Variants in SBF1 observed in about 807,000 individuals in gnomAD.
SBF1 encodes the protein myotubularin-related protein 5.
A neutral mutation model predicts 215.8 loss-of-function variants in SBF1; 65 were observed. That is an observed-to-expected ratio of 0.30 (90% CI 0.25 to 0.37). The LOEUF is 0.37. SBF1 is among the 10% of genes least tolerant of loss of function. The probability of loss-of-function intolerance (pLI) is 1.00; values close to 1 mark genes in which losing one functional copy is unlikely to be tolerated. For missense variants in SBF1, 2,634 were observed against 2,667.8 expected, an observed-to-expected ratio of 0.99 and a Z score of 0.28; for synonymous variants, 1,410 against 1,122.8, an observed-to-expected ratio of 1.26 and a Z score of -5.11.
intron 1 of SBF1, among the ~76,000 whole-genome samples, chr22:50,473,014 G>A (rs530166298): frequency 1.1e-4 from 17 of 152,248 alleles, no homozygotes; most frequent in Admixed American, 8.5e-4. Flanking sequence ...CCTGTCCTGC[G>A]CAAAGGACAC....
At chr22:50,454,977 C>T in intron 34 of SBF1, 33 bp from the exon 35 acceptor site, 1 of 1,614,012 alleles carries the variant, frequency 6.2e-7, no homozygotes, top group Non-Finnish European at 8.5e-7. Flanking sequence ...CTGGGCCCCT[C>T]CTGACCCGTG....
Position 50,456,275 on chromosome 22 carries a change from C to A in SBF1, c.4207G>T (p.Ala1403Ser), listed in dbSNP as rs539236939. The A allele has an allele frequency of 7.4e-6, 12 of 1,612,760 alleles. No individual in the cohort carries two copies. In the Admixed American group the frequency reaches 2.0e-4, roughly 27 times the overall value. Residue 1403 changes from alanine to serine, a missense_variant, in exon 31 of 41, where the codon GCT becomes TCT. Coordinates refer to ENST00000380817, the MANE Select transcript of SBF1 (RefSeq NM_002972.4). ...LKACVPGCPA[A>S]EPSPASFLRS... is the part of the protein sequence containing the mutation. Reference sequence around the variant, plus strand: ...AGGAAGGAGGCTGGGCTGGGCTCAGCAGCGGGGCAGCCTGGGACACATGCT... The same window carrying A: ...AGGAAGGAGGCTGGGCTGGGCTCAGAAGCGGGGCAGCCTGGGACACATGCT...
chr22:50,452,697 G>C (rs2067091527), intron 36 of SBF1, among the ~76,000 whole-genome samples: 1 of 130,192 alleles, frequency 7.7e-6, no homozygotes, highest in Non-Finnish European at 1.5e-5. Context: ...TCTCCAGCCT[G>C]GGTGACTGAG....
chr22:50,471,487 C>T (rs972185539), intron 1 of SBF1, among the ~76,000 whole-genome samples: 3 of 152,222 alleles, frequency 2.0e-5, no homozygotes, highest in Non-Finnish European at 4.4e-5. Flanking sequence ...GTTTCCCCAC[C>T]ACACTCCCCA....
rs775645354 is a variant in SBF1 at position 50,459,592 on chromosome 22, T to C, written c.3566A>G (p.Gln1189Arg). 1 of 1,610,274 alleles carries C rather than the reference T, an allele frequency of 6.2e-7. No homozygotes were observed. The highest frequency in any genetic ancestry group is 2.2e-5 in the East Asian group (1 of 44,868). Residue 1189 changes from glutamine (Q) to arginine (R), a missense_variant, in exon 27 of 41, where the codon CAG (glutamine) becomes CGG (arginine). Transcript: ENST00000380817. ...ALQRVSRCYR[Q>R]NRFPVVCWRS... Reference sequence around the variant, plus strand: ...CCAGCAGACCACGGGGAAGCGGTTCTGGCGGTAGCAGCGGGACACGCGCTG... The same window carrying C: ...CCAGCAGACCACGGGGAAGCGGTTCCGGCGGTAGCAGCGGGACACGCGCTG...
intron 21 of SBF1, 21 bp downstream of exon 21, chr22:50,461,775 G>A (rs760869457): frequency 6.2e-7 from 1 of 1,612,182 alleles, no homozygotes; most frequent in Non-Finnish European, 8.5e-7. Flanking sequence ...GGCCCCCGCA[G>A]CCCCAACGGC....
intron 15 of SBF1, 46 bp downstream of exon 15, chr22:50,464,283 C>T: frequency 6.6e-7 from 1 of 1,515,338 alleles, no homozygotes; most frequent in Non-Finnish European, 9.1e-7. Context: ...TGGGTCTCCT[C>T]TGAAACCCGC....
Position 50,445,272 on chromosome 22 carries a change from C to T in SBF1, c.*1870G>A, listed in dbSNP as rs573121447. 2.6e-5 allele frequency: 4 copies of T among 152,558 alleles called. No homozygotes were observed. The highest frequency in any genetic ancestry group is 1.9e-4 in the East Asian group (1 of 5,180). 9.5% of individuals were successfully genotyped at this position (152,558 alleles called of 1,614,324 possible). A position where few individuals can be genotyped will look rare whatever the true frequency, so the allele number is the denominator to read the frequency against. ...AGCTTAGCAAATACTGACATTTTTCCGTTTGGGGGATGGGGGGAACCACTT... is the reference window on the plus strand; with the variant it reads ...AGCTTAGCAAATACTGACATTTTTCTGTTTGGGGGATGGGGGGAACCACTT... On this transcript the variant is annotated 3_prime_UTR_variant, in exon 41 of 41. Transcript: ENST00000380817.
At position 50,464,980 on chromosome 22, in the gene SBF1, G is replaced by T. The variant is rs766870654; in HGVS notation, c.1332+21C>A. ...AGGCGGAGCCAGGGCAGGGGGCTGG[G>T]AGGGCAGGGTGGAGGTGCACCTCAT... On this transcript the variant is annotated intron_variant, in intron 12 of 40. Coordinates refer to ENST00000380817, the MANE Select transcript of SBF1 (RefSeq NM_002972.4). 2.5e-6 allele frequency: 4 copies of T among 1,613,760 alleles called. No individual in the cohort carries two copies. The African/African-American group carries it at 5.3e-5, about 22-fold the overall frequency.
intron 21 of SBF1, 22 bp downstream of exon 21, chr22:50,461,774 A>G (rs1404251837): frequency 1.4e-5 from 23 of 1,612,062 alleles, no homozygotes; most frequent in Non-Finnish European, 2.0e-5. Context: ...GGGCCCCCGC[A>G]GCCCCAACGG....
Position 50,467,617 on chromosome 22 carries a change from G to T in SBF1, c.353C>A (p.Pro118His). The change falls in exon 4 of 41, where the codon CCC becomes CAC. Residue 118 changes from proline (P) to histidine (H), a missense_variant. Physicochemically the swap from Pro to His is moderately conservative, Grantham distance 77. Coordinates refer to ENST00000380817, the MANE Select transcript of SBF1 (RefSeq NM_002972.4). ...CTGGGCAGATGGGGCAGGTGCTGTG[G>T]GAGACAGGTGGGTCTGGCCTCCCTC... ...GDEGGQTHLS[P>H]TAPAPSAQLF... is the part of the protein sequence containing the mutation. The T allele has an allele frequency of 6.2e-7, 1 of 1,614,086 alleles. No individual in the cohort carries two copies. The highest frequency in any genetic ancestry group is 8.5e-7 in the Non-Finnish European group (1 of 1,179,984).
At chr22:50,455,918 C>G (rs937197525) in intron 31 of SBF1, 3 of 558,860 alleles carry the variant, frequency 5.4e-6, no homozygotes, top group Non-Finnish European at 9.5e-6. Context: ...GAGAATGCAG[C>G]AGGGGCCCAG....
chr22:50,471,340 C>T lies in SBF1; in HGVS notation c.56-2879G>A, dbSNP rs538309229. The stretch of plus-strand genomic sequence containing the variant: ...ACGGCAGGCCTGAAAGGCGGGCGGG[C>T]GGGCAGGCGAACACAGACCTCGCGT... On this transcript the variant is annotated intron_variant, in intron 1 of 40. Transcript: ENST00000380817. Among the ~76,000 whole-genome samples, 25 of 152,316 alleles carry T rather than the reference C, an allele frequency of 1.6e-4. No individual in the cohort carries two copies. The South Asian group carries it at 2.9e-3, about 18-fold the overall frequency.
At chr22:50,448,738 C>CACAACGGAAAG in intron 36 of SBF1, 88 bp from the exon 37 acceptor site, 1 of 1,112,352 alleles carries the variant, frequency 9.0e-7, no homozygotes, top group Non-Finnish European at 1.3e-6. Flanking sequence ...AGGAAAGAGA[C>CACAACGGAAAG]ACAACGGAAA....
In SBF1 at chr22:50,456,948, A is replaced by G. The variant is rs116608491; in HGVS notation, c.3904+86T>C. 2,532 of 1,133,200 alleles carry G rather than the reference A, an allele frequency of 2.2e-3. 55 individuals carry two copies. In the African/African-American group the frequency reaches 0.037, roughly 16 times the overall value. 70.2% of individuals were successfully genotyped at this position (1,133,200 alleles called of 1,614,324 possible). ...GTTAGTGTCAGGTGTGGAGGGAGAC[A>G]TTAGTGCCCGCAATAACTCAGTGCA... is the stretch of plus-strand genomic sequence containing the variant. On this transcript the variant is annotated intron_variant, in intron 29 of 40. Coordinates refer to ENST00000380817, the MANE Select transcript of SBF1 (RefSeq NM_002972.4).
Position 50,446,876 on chromosome 22 carries a change from C to CA in SBF1, c.*265dup, listed in dbSNP as rs1569507593. 1.3e-6 allele frequency: 1 copy of CA among 745,406 alleles called. No individual in the cohort carries two copies. Among genetic ancestry groups the CA allele is most frequent in the East Asian group, 2.5e-5 (1 of 40,214 alleles). 46.2% of individuals were successfully genotyped at this position (745,406 alleles called of 1,614,324 possible). A position where few individuals can be genotyped will look rare whatever the true frequency, so the allele number is the denominator to read the frequency against. ...CCTGCAGCCGCTGGCTGGACCAGCA[C>CA]ACGCTGACGGGGCCGGACTATTTAC... is the stretch of plus-strand genomic sequence containing the variant. On this transcript the variant is annotated 3_prime_UTR_variant, in exon 41 of 41. Coordinates refer to ENST00000380817, the MANE Select transcript of SBF1 (RefSeq NM_002972.4).
At chr22:50,463,089 G>A in intron 16 of SBF1, 151 bp from the exon 17 acceptor site, 3 of 1,115,504 alleles carry the variant, frequency 2.7e-6, no homozygotes, top group Non-Finnish European at 3.9e-6. Flanking sequence ...CTCAATATCA[G>A]GAGACCCCAG....
In SBF1 at chr22:50,460,297, A is replaced by G. The variant is rs985741281; in HGVS notation, c.3258T>C (p.Pro1086=). Residue 1086 remains proline, a synonymous_variant, in exon 25 of 41, where the codon CCT becomes CCC. Coordinates refer to ENST00000380817, the MANE Select transcript of SBF1 (RefSeq NM_002972.4). ...PSWEHRGQPP[P]EDQEDEISVS... ...CTGAGATCTCGTCCTCCTGGTCCTC[A>G]GGGGGCGGCTGGCCCCGGTGCTCCC... is the stretch of plus-strand genomic sequence containing the variant. 6 of 1,609,126 alleles carry G rather than the reference A, an allele frequency of 3.7e-6. No individual in the cohort carries two copies. Among genetic ancestry groups the G allele is most frequent in the Middle Eastern group, 1.6e-4 (1 of 6,066 alleles).
Position 50,465,338 on chromosome 22 carries a change from G to A in SBF1, c.1090-10C>T. ...CGCGCAGCTCCTTGTCCTGGGAGAA[G>A]AGCTGAGTGCAGGTGAGAGCCAGTC... On this transcript the variant is annotated splice_polypyrimidine_tract_variant and intron_variant, in intron 10 of 40. Transcript: ENST00000380817. 5 of 1,569,636 alleles carry A rather than the reference G, an allele frequency of 3.2e-6. No individual in the cohort carries two copies. Among genetic ancestry groups the A allele is most frequent in the Non-Finnish European group, 4.3e-6 (5 of 1,157,460 alleles).
Sources: allele counts gnomAD v4.1 joint callset (sites outside exome capture counted in the v4.1 genomes callset), GRCh38; gene constraint gnomAD v4.1.1; transcripts MANE v1.5; gene names NCBI Gene and HGNC (gene_info 2026-07-23, HGNC 2026-07-21).